LARP4B: variants seen among roughly 807,000 people sequenced by gnomAD.
LARP4B encodes La ribonucleoprotein 4B, also known as la-related protein 4B.
In LARP4B, 12 loss-of-function variants were observed where a neutral mutation model predicts 89.8. The ratio of observed to expected loss-of-function variants is 0.13; its 90% CI spans 0.09 to 0.22. LARP4B has a LOEUF of 0.22. Among genes scored for constraint, LARP4B ranks in the 10% least tolerant of loss-of-function variants. The probability of loss-of-function intolerance (pLI) is 1.00; values close to 1 mark genes in which losing one functional copy is unlikely to be tolerated. For synonymous variants in LARP4B, 367 were observed against 363.3 expected (o/e 1.01, Z -0.12); for missense variants, 757 against 947.7 (o/e 0.80, Z 2.64).
chr10:949,381 G>A, the LARP4B span, among the ~76,000 whole-genome samples: 17 of 151,368 alleles, frequency 1.1e-4, no homozygotes, highest in African/African-American at 3.4e-4. Flanking sequence ...CACCAGCCCC[G>A]TGTGAGTGAG....
At chr10:909,623 A>G (rs548572702) in intron 1 of LARP4B, among the ~76,000 whole-genome samples, 6 of 151,882 alleles carry the variant, frequency 4.0e-5, no homozygotes, top group Non-Finnish European at 5.9e-5. Context: ...CGTCTCTACT[A>G]AAAGTACAAA....
chr10:946,327 C>T, the LARP4B span, among the ~76,000 whole-genome samples: 1 of 152,200 alleles, frequency 6.6e-6, no homozygotes, highest in Non-Finnish European at 1.5e-5. Flanking sequence ...CTGTGGGAAA[C>T]TTTCTAGGAG....
At chr10:859,785 C>T (rs1448302930) in intron 5 of LARP4B, among the ~76,000 whole-genome samples, 26 of 151,522 alleles carry the variant, frequency 1.7e-4, no homozygotes, top group Admixed American at 1.7e-3. Flanking sequence ...AAGAAGGCTA[C>T]ATCCTGCAGG....
chr10:912,807 G>GGCAGAGGTT (rs368569881), intron 1 of LARP4B, among the ~76,000 whole-genome samples: 12 of 152,182 alleles, frequency 7.9e-5, no homozygotes, highest in African/African-American at 2.6e-4. Context: ...GAGCCTGGGA[G>GGCAGAGGTT]GCAGAGGTTG....
chr10:901,527 G>T (rs2131988640), intron 1 of LARP4B, among the ~76,000 whole-genome samples: 1 of 152,192 alleles, frequency 6.6e-6, no homozygotes, highest in Non-Finnish European at 1.5e-5. Flanking sequence ...CATTTACAGA[G>T]CAACAGACTG....
chr10:951,325 G>A, the LARP4B span, among the ~76,000 whole-genome samples: 1 of 152,046 alleles, frequency 6.6e-6, no homozygotes. Context: ...GAGGCAGGTG[G>A]ATCACCTGAG....
chr10:820,863 G>C lies in LARP4B; in HGVS notation c.1485-18C>G. ...AATTCTTCCTAGAGGAGTGGAAAGT[G>C]AAAGACTGTTATTTTTTTCCCACTT... On this transcript the variant is annotated intron_variant, in intron 13 of 17. Transcript: ENST00000316157. 1 of 1,610,306 alleles carries C rather than the reference G, an allele frequency of 6.2e-7. No individual in the cohort carries two copies. Among genetic ancestry groups the C allele is most frequent in the Non-Finnish European group, 8.5e-7 (1 of 1,178,526 alleles).
chr10:848,131 T>C (rs1269700750), intron 5 of LARP4B, among the ~76,000 whole-genome samples: 1 of 152,028 alleles, frequency 6.6e-6, no homozygotes, highest in African/African-American at 2.4e-5. Context: ...TATAACAATA[T>C]ATGTCATTCA....
intron 1 of LARP4B, among the ~76,000 whole-genome samples, chr10:919,032 G>T (rs1475352673): frequency 6.6e-6 from 1 of 152,112 alleles, no homozygotes; most frequent in East Asian, 1.9e-4. Flanking sequence ...AGTGAGCGGA[G>T]ATCAAGCCAC....
At chr10:901,462 T>C (rs1172474425) in intron 1 of LARP4B, among the ~76,000 whole-genome samples, 2 of 152,232 alleles carry the variant, frequency 1.3e-5, no homozygotes, top group Non-Finnish European at 2.9e-5. Context: ...GTTCCTTCCA[T>C]GTACCTTATA....
rs1831701773 is a variant in LARP4B, at chr10:810,433, C to T, written c.*2493G>A. ...ACTGCTGCTGGCTAGGCAGTAACTACAGTGTATTGACCGGAGGGCAGCAGA... is the reference window on the plus strand; with the variant it reads ...ACTGCTGCTGGCTAGGCAGTAACTATAGTGTATTGACCGGAGGGCAGCAGA... On this transcript the variant is annotated 3_prime_UTR_variant, in exon 18 of 18. Transcript: ENST00000316157. The T allele has an allele frequency of 6.6e-6, 1 of 152,200 alleles. No homozygotes were observed. 9.4% of individuals were successfully genotyped at this position (152,200 alleles called of 1,614,324 possible). A position where few individuals can be genotyped will look rare whatever the true frequency, so the allele number is the denominator to read the frequency against.
chr10:942,572 A>C, the LARP4B span: 3 of 152,202 alleles, frequency 2.0e-5, no homozygotes, highest in Non-Finnish European at 2.9e-5. Flanking sequence ...ACGATGAGTT[A>C]ATATATCTCA....
intron 5 of LARP4B, among the ~76,000 whole-genome samples, chr10:860,474 T>A (rs1834543643): frequency 6.6e-6 from 1 of 152,146 alleles, no homozygotes. Flanking sequence ...TCCTAGGTAT[T>A]TTACCCAAGA....
chr10:833,080 G>A (rs946894158), intron 8 of LARP4B, among the ~76,000 whole-genome samples: 1 of 151,850 alleles, frequency 6.6e-6, no homozygotes, highest in Non-Finnish European at 1.5e-5. Flanking sequence ...AAGGTAAAGA[G>A]GCATGGTGCT....
chr10:920,006 T>C (rs1318554291), intron 1 of LARP4B, among the ~76,000 whole-genome samples: 1 of 152,242 alleles, frequency 6.6e-6, no homozygotes, highest in Non-Finnish European at 1.5e-5. Context: ...GGAGTAAATA[T>C]ATTTCAATCT....
chr10:870,434 G>A (rs768122661), intron 3 of LARP4B, among the ~76,000 whole-genome samples: 7 of 152,330 alleles, frequency 4.6e-5, no homozygotes, highest in South Asian at 2.1e-4. Flanking sequence ...AATCCCCTGC[G>A]CTGCATCGCA....
intron 5 of LARP4B, among the ~76,000 whole-genome samples, chr10:851,991 G>A (rs905984725): frequency 2.6e-5 from 4 of 152,134 alleles, no homozygotes; most frequent in African/African-American, 4.8e-5. Context: ...GCCTGAGACC[G>A]GGAGGTTGGG....
chr10:965,717 C>T, the LARP4B span, among the ~76,000 whole-genome samples: 17 of 151,484 alleles, frequency 1.1e-4, no homozygotes, highest in African/African-American at 2.4e-4. Context: ...TACCAAGACC[C>T]GGCGCTGTGA....
At chr10:901,167 G>T (rs1448660962) in intron 1 of LARP4B, among the ~76,000 whole-genome samples, 2 of 148,574 alleles carry the variant, frequency 1.3e-5, no homozygotes, top group Non-Finnish European at 3.0e-5. Flanking sequence ...CACCCGCCTC[G>T]GCCTCCCAAA....
Sources: gnomAD v4.1 joint callset for allele counts (sites outside exome capture counted in the v4.1 genomes callset) on GRCh38, gnomAD v4.1.1 for gene constraint, MANE v1.5 for transcripts, NCBI Gene and HGNC (gene_info 2026-07-23, HGNC 2026-07-21) for gene names.